Variants in PDE4D observed in about 807,000 individuals in gnomAD.
The protein encoded by PDE4D is 3',5'-cyclic-AMP phosphodiesterase 4D.
PDE4D carries 24 observed loss-of-function variants against 87.4 expected under a neutral mutation model. That is an observed-to-expected ratio of 0.27 (90% CI 0.20 to 0.39). The LOEUF is 0.39. Ranked by LOEUF, PDE4D falls within the 10% of genes least tolerant of loss-of-function variation. PDE4D has a pLI of 1.00. For synonymous variants in PDE4D, 384 were observed against 383.2 expected, an observed-to-expected ratio of 1.00 and a Z score of -0.02; for missense variants, 714 against 1,041.0, an observed-to-expected ratio of 0.69 and a Z score of 4.32.
intron 5 of PDE4D, among the ~76,000 whole-genome samples, chr5:59,112,278 A>G (rs1115729): frequency 6.6e-6 from 1 of 151,968 alleles, no homozygotes; most frequent in Non-Finnish European, 1.5e-5. Context: ...GAGAAAGAAG[A>G]GTTAAAAAGA....
intron 4 of PDE4D, among the ~76,000 whole-genome samples, chr5:59,183,999 C>G (rs1289198484): frequency 1.3e-5 from 2 of 152,088 alleles, no homozygotes; most frequent in African/African-American, 2.4e-5. Flanking sequence ...TACAATCAGA[C>G]AGAGATGGAA....
chr5:60,384,914 C>T (rs1561193270), intron 1 of PDE4D, among the ~76,000 whole-genome samples: 4 of 152,156 alleles, frequency 2.6e-5, no homozygotes, highest in Non-Finnish European at 5.9e-5. Context: ...TCTTGTATTC[C>T]TTATTTTGCT....
intron 1 of PDE4D, among the ~76,000 whole-genome samples, chr5:59,446,240 A>T (rs964633074): frequency 5.3e-5 from 8 of 152,298 alleles, no homozygotes; most frequent in Middle Eastern, 3.4e-3. Flanking sequence ...TACTTAAGTA[A>T]CTTGATAATT....
chr5:59,926,347 G>A (rs1042454898), intron 3 of PDE4D, among the ~76,000 whole-genome samples: 5 of 151,868 alleles, frequency 3.3e-5, no homozygotes, highest in Admixed American at 6.6e-5. Flanking sequence ...AAAACCTAAC[G>A]GGTACAGTTG....
At chr5:60,313,242 AG>A in intron 1 of PDE4D, among the ~76,000 whole-genome samples, 1 of 152,182 alleles carries the variant, frequency 6.6e-6, no homozygotes, top group Non-Finnish European at 1.5e-5. Context: ...GAAATGGTAA[AG>A]GGGATATTAC....
At chr5:60,466,481 T>C (rs1207797518) in intron 1 of PDE4D, among the ~76,000 whole-genome samples, 2 of 152,218 alleles carry the variant, frequency 1.3e-5, no homozygotes, top group Non-Finnish European at 1.5e-5. Context: ...TTAGAATGGC[T>C]CTATTAATCT....
chr5:59,398,319 C>CA (rs1263991678), intron 1 of PDE4D, among the ~76,000 whole-genome samples: 2 of 132,732 alleles, frequency 1.5e-5, no homozygotes, highest in Admixed American at 1.5e-4. Flanking sequence ...AACATTGATG[C>CA]AAAAATCCTC....
intron 1 of PDE4D, among the ~76,000 whole-genome samples, chr5:59,334,247 GTTT>G (rs564248041): frequency 3.0e-5 from 3 of 98,610 alleles, no homozygotes; most frequent in African/African-American, 1.2e-4. Context: ...ATCCAGTGGA[GTTT>G]TTTTTTTTTT....
At chr5:59,193,333 A>T (rs994672294) in intron 3 of PDE4D, among the ~76,000 whole-genome samples, 167 bp downstream of exon 3, 21 of 152,242 alleles carry the variant, frequency 1.4e-4, no homozygotes. Context: ...TAATATAGCC[A>T]AAGTCACTTT....
chr5:59,200,222 T>C (rs1478915338), intron 2 of PDE4D, among the ~76,000 whole-genome samples: 2 of 146,514 alleles, frequency 1.4e-5, no homozygotes, highest in South Asian at 2.1e-4. Flanking sequence ...CACGTGTATG[T>C]ATACATACAT....
At chr5:59,146,108 CAG>C (rs1234701162) in intron 5 of PDE4D, among the ~76,000 whole-genome samples, 1 of 152,144 alleles carries the variant, frequency 6.6e-6, no homozygotes, top group Non-Finnish European at 1.5e-5. Flanking sequence ...GCCTGGGTGA[CAG>C]AGCAAGATTC....
chr5:59,624,847 C>T (rs780028570), intron 1 of PDE4D, among the ~76,000 whole-genome samples: 1 of 152,124 alleles, frequency 6.6e-6, no homozygotes, highest in Non-Finnish European at 1.5e-5. Flanking sequence ...AGCTTTTTGG[C>T]TGTGATTATT....
chr5:59,141,865 T>C (rs1777945724), intron 5 of PDE4D, among the ~76,000 whole-genome samples: 1 of 152,194 alleles, frequency 6.6e-6, no homozygotes, highest in Non-Finnish European at 1.5e-5. Flanking sequence ...CTTGCAGTTA[T>C]AGCTTCAGGG....
At chr5:60,047,490 C>T (rs1386438230) in intron 2 of PDE4D, among the ~76,000 whole-genome samples, 1 of 152,166 alleles carries the variant, frequency 6.6e-6, no homozygotes, top group Non-Finnish European at 1.5e-5. Context: ...TTCCTGCTTT[C>T]TCTTGTGGGC....
intron 1 of PDE4D, among the ~76,000 whole-genome samples, chr5:60,297,566 C>G (rs1429817166): frequency 1.3e-5 from 2 of 152,190 alleles, no homozygotes; most frequent in Non-Finnish European, 2.9e-5. Flanking sequence ...ACATTTTTAA[C>G]TCAATCTTCT....
At chr5:59,125,145 A>T (rs942379849) in intron 5 of PDE4D, 4 of 275,428 alleles carry the variant, frequency 1.5e-5, no homozygotes, top group African/African-American at 2.3e-5. Context: ...GTGTTGCATT[A>T]CAGCAGTTAG....
intron 2 of PDE4D, 121 bp from the exon 3 acceptor site, chr5:59,193,657 C>T (rs561158394): frequency 8.7e-6 from 13 of 1,495,476 alleles, no homozygotes; most frequent in South Asian, 1.4e-5. Flanking sequence ...GTGATTCCAT[C>T]CTTATACTTC....
intron 1 of PDE4D, among the ~76,000 whole-genome samples, chr5:60,518,401 T>C (rs550794698): frequency 4.6e-5 from 7 of 152,158 alleles, no homozygotes; most frequent in Non-Finnish European, 5.9e-5. Flanking sequence ...TTTTCCCCAT[T>C]TTGCAAGTGA....
At chr5:60,107,756 A>T (rs1239197740) in intron 2 of PDE4D, among the ~76,000 whole-genome samples, 1 of 152,170 alleles carries the variant, frequency 6.6e-6, no homozygotes, top group Non-Finnish European at 1.5e-5. Context: ...GAAGACAAAA[A>T]CCACATGATT....
Sources: gnomAD v4.1 joint callset for allele counts (sites outside exome capture counted in the v4.1 genomes callset) on GRCh38, gnomAD v4.1.1 for gene constraint, MANE v1.5 for transcripts, NCBI Gene and HGNC (gene_info 2026-07-23, HGNC 2026-07-21) for gene names.